Variants in CFAP61 observed in about 807,000 individuals in gnomAD.
The protein encoded by CFAP61 is cilia- and flagella-associated protein 61.
CFAP61 carries 107 observed loss-of-function variants against 135.6 expected under a neutral mutation model. The ratio of observed to expected loss-of-function variants is 0.79; its 90% confidence interval spans 0.67 to 0.93. CFAP61 has a LOEUF of 0.93. Among genes scored for constraint, CFAP61 ranks in the 40% least tolerant of loss-of-function variants. The probability of loss-of-function intolerance (pLI) is 0.00; values close to 1 mark genes in which losing one functional copy is unlikely to be tolerated. For synonymous variants in CFAP61, 575 were observed against 578.5 expected (o/e 0.99, Z 0.09); for missense variants, 1,507 against 1,556.2 (o/e 0.97, Z 0.53).
In CFAP61 at chr20:20,359,868, G is replaced by A. The variant is rs376419177; in HGVS notation, c.3514-342G>A. ...GCGTAGTCACATTCATAGAGACAGAGGTGGTTTCCAGGGCCTGGAGGATGG... is the reference window on the plus strand; with the variant it reads ...GCGTAGTCACATTCATAGAGACAGAAGTGGTTTCCAGGGCCTGGAGGATGG... On this transcript the variant is annotated intron_variant, in intron 26 of 26. Coordinates refer to ENST00000245957, the MANE Select transcript of CFAP61 (RefSeq NM_015585.4). This position sits in a 1 kb window ranked among gnomAD's most constrained non-coding sequence, Gnocchi z 4.0. Among the ~76,000 whole-genome samples, 1 of 152,166 alleles carries A rather than the reference G, an allele frequency of 6.6e-6. No homozygotes were observed. Among genetic ancestry groups the A allele is most frequent in the Non-Finnish European group, 1.5e-5 (1 of 68,038 alleles).
At chr20:20,101,772 T>C (rs2048041108) in intron 8 of CFAP61, among the ~76,000 whole-genome samples, 1 of 152,030 alleles carries the variant, frequency 6.6e-6, no homozygotes, top group South Asian at 2.1e-4. Context: ...ATTACATGTG[T>C]GTGCCACCAC....
At position 20,169,354 on chromosome 20, in the gene CFAP61, C is replaced by T. The variant is rs148216793; in HGVS notation, c.1279C>T (p.Leu427Phe). 87 of 1,613,856 alleles carry T rather than the reference C, an allele frequency of 5.4e-5. No homozygotes were observed. The highest frequency in any genetic ancestry group is 6.9e-5 in the Non-Finnish European group (81 of 1,179,908). ...CTTCTGTGTAATTTCTCTGCCCCAT[C>T]TCACCCCCGAGTTCTTCCTCATCCA... ...KNFCVISLPH[L>F]TPEFFLIQNF... is the part of the protein sequence containing the mutation. The change falls in exon 13 of 27, where the codon CTC becomes TTC. Residue 427 changes from leucine to phenylalanine, a missense_variant. Physicochemically the swap from Leu to Phe is conservative, Grantham distance 22. Transcript: ENST00000245957.
chr20:20,294,876 C>A (rs1196894000), intron 24 of CFAP61, among the ~76,000 whole-genome samples: 1 of 150,338 alleles, frequency 6.7e-6, no homozygotes, highest in Admixed American at 6.6e-5. Flanking sequence ...TGCAGTGAGC[C>A]GAGATTGCGC....
intron 8 of CFAP61, among the ~76,000 whole-genome samples, chr20:20,104,393 C>T (rs2048234896): frequency 6.6e-6 from 1 of 152,174 alleles, no homozygotes; most frequent in Non-Finnish European, 1.5e-5. Context: ...TAGACCCACT[C>T]TCCCTGTGTC....
At chr20:20,203,135 T>A (rs1429219838) in intron 17 of CFAP61, among the ~76,000 whole-genome samples, 6 of 152,068 alleles carry the variant, frequency 3.9e-5, no homozygotes, top group Non-Finnish European at 8.8e-5. Context: ...ACCTTCCCCG[T>A]CGTTTCTATT....
intron 13 of CFAP61, among the ~76,000 whole-genome samples, chr20:20,185,704 G>A (rs1201626318): frequency 6.6e-6 from 1 of 152,176 alleles, no homozygotes; most frequent in Non-Finnish European, 1.5e-5. Flanking sequence ...TGTGTTGTCT[G>A]ACACCAGTTT....
At chr20:20,126,743 T>C (rs1445912147) in intron 8 of CFAP61, among the ~76,000 whole-genome samples, 4 of 151,882 alleles carry the variant, frequency 2.6e-5, no homozygotes. Flanking sequence ...TTGTGCTTCT[T>C]GTATTTGGAT....
chr20:20,080,906 G>A, intron 6 of CFAP61, among the ~76,000 whole-genome samples: 1 of 151,934 alleles, frequency 6.6e-6, no homozygotes, highest in East Asian at 1.9e-4. Context: ...GGAGGCTGAG[G>A]CAGGAGAATC....
At chr20:20,333,900 G>A (rs560087928) in intron 25 of CFAP61, among the ~76,000 whole-genome samples, 8 of 152,096 alleles carry the variant, frequency 5.3e-5, no homozygotes, top group South Asian at 2.1e-4. Context: ...TCCCTCCCTC[G>A]TCAGGGGAGG....
chr20:20,269,200 T>A (rs535816238), intron 21 of CFAP61, among the ~76,000 whole-genome samples: 1 of 94,646 alleles, frequency 1.1e-5, no homozygotes, highest in East Asian at 2.1e-4. Flanking sequence ...TATATACATA[T>A]ATGTATATAT....
chr20:20,111,705 G>A (rs1221501284), intron 8 of CFAP61, among the ~76,000 whole-genome samples: 1 of 152,114 alleles, frequency 6.6e-6, no homozygotes. Context: ...AGAAAAATAA[G>A]ATATTTCATT....
intron 7 of CFAP61, among the ~76,000 whole-genome samples, chr20:20,092,729 A>G (rs1341283952): frequency 6.6e-6 from 1 of 152,240 alleles, no homozygotes; most frequent in Non-Finnish European, 1.5e-5. Context: ...CAATAAGCAC[A>G]TGAAAAGACA....
At position 20,246,170 on chromosome 20, in the gene CFAP61, GA is replaced by G. The variant is rs1220155674; in HGVS notation, c.2121del (p.Lys707AsnfsTer11). 5 of 1,613,518 alleles carry G rather than the reference GA, an allele frequency of 3.1e-6. No homozygotes were observed. The highest frequency in any genetic ancestry group is 4.2e-6 in the Non-Finnish European group (5 of 1,179,686). On this transcript the variant is annotated frameshift_variant, in exon 19 of 27. Transcript: ENST00000245957. LOFTEE classifies it high-confidence loss of function. ...CTGATTTCAACTCATGGACTCCCAG[GA>G]AAAAAACTTCTGGACACTGAACAAA... The part of the protein sequence containing the change: ...LTLISTHGLP[G>X]KKLLDTEQRK...
intron 7 of CFAP61, among the ~76,000 whole-genome samples, chr20:20,091,299 C>T (rs1470353866): frequency 6.6e-6 from 1 of 152,228 alleles, no homozygotes; most frequent in African/African-American, 2.4e-5. Flanking sequence ...CTTCAGAAGT[C>T]ACAAACCAGC....
intron 21 of CFAP61, among the ~76,000 whole-genome samples, chr20:20,275,240 A>G (rs2053658734): frequency 6.6e-6 from 1 of 152,266 alleles, no homozygotes; most frequent in Admixed American, 6.5e-5. Flanking sequence ...AGATCAGCTG[A>G]CATCAGTCCA....
At chr20:20,133,719 G>A (rs1332333835) in intron 8 of CFAP61, among the ~76,000 whole-genome samples, 1 of 152,204 alleles carries the variant, frequency 6.6e-6, no homozygotes, top group African/African-American at 2.4e-5. Flanking sequence ...GTGATACAAT[G>A]AGAATGGGGA....
intron 9 of CFAP61, among the ~76,000 whole-genome samples, chr20:20,147,499 A>T (rs2051992646): frequency 6.6e-6 from 1 of 152,176 alleles, no homozygotes. Context: ...ATGATTAGTG[A>T]TGTTAAACAT....
chr20:20,215,835 C>CTAAAAA (rs1023355066), intron 17 of CFAP61, among the ~76,000 whole-genome samples: 1 of 151,612 alleles, frequency 6.6e-6, no homozygotes, highest in Non-Finnish European at 1.5e-5. Context: ...TCATATTCAA[C>CTAAAAA]TAAAAATAAA....
chr20:20,146,068 G>C (rs950227562), intron 9 of CFAP61, among the ~76,000 whole-genome samples: 3 of 152,194 alleles, frequency 2.0e-5, no homozygotes, highest in African/African-American at 7.2e-5. Flanking sequence ...GTGACACACT[G>C]TGAACAATGT....
Sources: allele counts gnomAD v4.1 joint callset (sites outside exome capture counted in the v4.1 genomes callset), GRCh38; gene constraint gnomAD v4.1.1; non-coding constraint Gnocchi (gnomAD v3.1); transcripts MANE v1.5; gene names NCBI Gene and HGNC (gene_info 2026-07-23, HGNC 2026-07-21).